SDK1: variants seen among roughly 807,000 people sequenced by gnomAD.
SDK1 encodes sidekick cell adhesion molecule 1.
SDK1 carries 157 observed loss-of-function variants against 245.5 expected under a neutral mutation model. The ratio of observed to expected loss-of-function variants is 0.64; its 90% CI spans 0.56 to 0.73. The LOEUF (loss-of-function observed/expected upper bound fraction) is 0.73. SDK1 is among the 30% of genes least tolerant of loss of function. The pLI is 0.00. For synonymous variants in SDK1, 1,647 were observed against 1,278.5 expected (o/e 1.29, Z -6.15); for missense variants, 3,583 against 3,002.3 (o/e 1.19, Z -4.52).
chr7:3,564,701 A>G (rs1250958676), intron 1 of SDK1, among the ~76,000 whole-genome samples: 2 of 152,286 alleles, frequency 1.3e-5, no homozygotes, highest in South Asian at 2.1e-4. Context: ...TACATGGTAA[A>G]GAAATGGAGA....
intron 5 of SDK1, among the ~76,000 whole-genome samples, chr7:3,913,975 C>A (rs1275012290): frequency 6.6e-6 from 1 of 152,178 alleles, no homozygotes; most frequent in Non-Finnish European, 1.5e-5. Context: ...TACCATACTC[C>A]CTTCCCTGAT....
intron 4 of SDK1, among the ~76,000 whole-genome samples, chr7:3,731,523 C>T (rs368534420): frequency 5.3e-5 from 8 of 152,152 alleles, no homozygotes; most frequent in Non-Finnish European, 7.3e-5. Flanking sequence ...TTAGTAGTGT[C>T]GCTTTGTAGC....
intron 1 of SDK1, among the ~76,000 whole-genome samples, chr7:3,399,437 G>C (rs984376592): frequency 1.3e-5 from 2 of 152,038 alleles, no homozygotes; most frequent in South Asian, 4.1e-4. Context: ...ATCAGGGACA[G>C]CTTCTATTGA....
chr7:3,974,478 G>A lies in SDK1; in HGVS notation c.1927G>A (p.Gly643Ser), dbSNP rs778421749. The change falls in exon 13 of 45, where the codon GGT becomes AGT. Residue 643 changes from glycine to serine, a missense_variant. Physicochemically the swap from Gly to Ser is moderately conservative, Grantham distance 56. Transcript: ENST00000404826. Reference protein sequence around the residue: ...LISQTWSGDIGDYSCEIVSEG... With the variant: ...LISQTWSGDISDYSCEIVSEG... ...CAGCCAGACGTGGTCAGGCGACATCGGTGACTACAGCTGCGAGATTGTTTC... is the reference window on the plus strand; with the variant it reads ...CAGCCAGACGTGGTCAGGCGACATCAGTGACTACAGCTGCGAGATTGTTTC... The A allele has an allele frequency of 1.9e-6, 3 of 1,614,106 alleles. No homozygotes were observed. Among genetic ancestry groups the A allele is most frequent in the South Asian group, 1.1e-5 (1 of 91,076 alleles).
intron 16 of SDK1, among the ~76,000 whole-genome samples, chr7:4,015,985 T>C (rs1039513525): frequency 2.0e-5 from 3 of 152,232 alleles, no homozygotes; most frequent in Non-Finnish European, 4.4e-5. Flanking sequence ...TTTCAAGCCC[T>C]CCTTCTCTTG....
intron 5 of SDK1, among the ~76,000 whole-genome samples, chr7:3,894,898 G>T (rs534919306): frequency 6.6e-6 from 1 of 151,572 alleles, no homozygotes; most frequent in East Asian, 2.0e-4. Flanking sequence ...TCACCATGTC[G>T]GCCAACTCCT....
chr7:3,951,176 G>C (rs1780803747), intron 6 of SDK1, 142 bp downstream of exon 6: 1 of 643,404 alleles, frequency 1.6e-6, no homozygotes, highest in Non-Finnish European at 2.8e-6. Context: ...ATGAATACGA[G>C]ATATGGGTAG....
intron 4 of SDK1, among the ~76,000 whole-genome samples, chr7:3,728,180 A>C (rs1033066507): frequency 2.0e-5 from 3 of 152,200 alleles, no homozygotes; most frequent in Non-Finnish European, 4.4e-5. Flanking sequence ...GTTGATGCTG[A>C]ACTTGATCAC....
chr7:3,903,020 C>T (rs1481472493), intron 5 of SDK1, among the ~76,000 whole-genome samples: 1 of 152,066 alleles, frequency 6.6e-6, no homozygotes, highest in African/African-American at 2.4e-5. Context: ...GCAATAAACA[C>T]CTGAGAAAAT....
At chr7:4,040,587 A>G (rs561082094) in intron 17 of SDK1, among the ~76,000 whole-genome samples, 5 of 152,290 alleles carry the variant, frequency 3.3e-5, no homozygotes, top group African/African-American at 1.2e-4. Context: ...GTCCGCCACA[A>G]AATGCAAAGG....
intron 1 of SDK1, among the ~76,000 whole-genome samples, chr7:3,588,643 T>G (rs1008981019): frequency 6.6e-6 from 1 of 152,192 alleles, no homozygotes; most frequent in African/African-American, 2.4e-5. Context: ...TGGAAAAGAT[T>G]TAGGGAGACC....
At chr7:3,450,365 T>C (rs977987802) in intron 1 of SDK1, among the ~76,000 whole-genome samples, 2 of 152,174 alleles carry the variant, frequency 1.3e-5, no homozygotes, top group East Asian at 1.9e-4. Context: ...TGAGGTATTA[T>C]TAAGCCCAGG....
At chr7:3,862,710 C>T (rs1780724485) in intron 5 of SDK1, among the ~76,000 whole-genome samples, 1 of 152,132 alleles carries the variant, frequency 6.6e-6, no homozygotes. Flanking sequence ...GCTTGAGTTA[C>T]TAGTGGTTTA....
At chr7:3,982,732 C>T (rs1783510834) in intron 13 of SDK1, among the ~76,000 whole-genome samples, 1 of 151,280 alleles carries the variant, frequency 6.6e-6, no homozygotes, top group East Asian at 1.9e-4. Context: ...CCCAGCTACT[C>T]GGGGGGCTGA....
intron 18 of SDK1, among the ~76,000 whole-genome samples, chr7:4,050,407 C>T (rs141368284): frequency 3.9e-4 from 59 of 152,342 alleles, no homozygotes; most frequent in African/African-American, 1.3e-3. Context: ...AAGCAAGATG[C>T]TTTTGCCTTC....
intron 4 of SDK1, among the ~76,000 whole-genome samples, chr7:3,781,854 A>C (rs1312948186): frequency 3.3e-5 from 5 of 152,218 alleles, no homozygotes; most frequent in African/African-American, 1.2e-4. Context: ...AGAACATTTG[A>C]AATAATCCAG....
At chr7:4,208,643 CA>C (rs761980912) in intron 37 of SDK1, among the ~76,000 whole-genome samples, 4 of 152,244 alleles carry the variant, frequency 2.6e-5, no homozygotes, top group African/African-American at 9.6e-5. Context: ...AACTTCCCAT[CA>C]GGGGCGCCTG....
intron 1 of SDK1, among the ~76,000 whole-genome samples, chr7:3,516,378 C>T (rs1489701704): frequency 6.6e-6 from 1 of 152,000 alleles, no homozygotes; most frequent in African/African-American, 2.4e-5. Flanking sequence ...CTGGGTGATG[C>T]TTTTCATATT....
At chr7:4,050,906 T>C (rs937496702) in intron 18 of SDK1, among the ~76,000 whole-genome samples, 5 of 144,180 alleles carry the variant, frequency 3.5e-5, no homozygotes, top group Admixed American at 2.1e-4. Context: ...ATATTATATA[T>C]AGTATATATA....
Sources: allele counts gnomAD v4.1 joint callset (sites outside exome capture counted in the v4.1 genomes callset), GRCh38; gene constraint gnomAD v4.1.1; transcripts MANE v1.5; gene names NCBI Gene and HGNC (gene_info 2026-07-23, HGNC 2026-07-21).